Variants in NARF observed in about 807,000 individuals in gnomAD.
The protein encoded by NARF is nuclear prelamin A recognition factor.
Under a neutral mutation model 48.0 loss-of-function variants are expected in NARF, and 41 were observed. The observed-to-expected ratio is 0.85, with a 90% CI of 0.66 to 1.11. The LOEUF (loss-of-function observed/expected upper bound fraction) is 1.11. Ranked by LOEUF, NARF falls within the 50% of genes least tolerant of loss-of-function variation. NARF has a pLI of 0.00. For synonymous variants in NARF, 215 were observed against 225.5 expected, an observed-to-expected ratio of 0.95 and a Z score of 0.42; for missense variants, 613 against 590.2, an observed-to-expected ratio of 1.04 and a Z score of -0.40.
In NARF at chr17:82,464,400, G is replaced by T; in HGVS notation, c.222G>T (p.Lys74Asn). The T allele has an allele frequency of 6.2e-7, 1 of 1,613,924 alleles. No homozygotes were observed. The highest frequency in any genetic ancestry group is 8.5e-7 in the Non-Finnish European group (1 of 1,179,884). The change falls in exon 3 of 11, where the codon AAG becomes AAT. Residue 74 changes from lysine to asparagine, a missense_variant. Coordinates refer to ENST00000309794, the MANE Select transcript of NARF (RefSeq NM_012336.4). ...TCCAACTTTCCCAGCAAAATGCCAAGGACTTCTTCCGCGTTCTGAACCTTA... is the reference window on the plus strand; with the variant it reads ...TCCAACTTTCCCAGCAAAATGCCAATGACTTCTTCCGCGTTCTGAACCTTA... ...EGVQLSQQNA[K>N]DFFRVLNLNK...
At chr17:82,459,131 G>A in intron 1 of NARF, 13 of 1,164,574 alleles carry the variant, frequency 1.1e-5, no homozygotes, top group Non-Finnish European at 1.4e-5. Flanking sequence ...CGAGTAAACA[G>A]CGGTCGTGGC....
At chr17:82,471,354 C>T (rs1340089229) in intron 4 of NARF, among the ~76,000 whole-genome samples, 1 of 149,552 alleles carries the variant, frequency 6.7e-6, no homozygotes, top group Non-Finnish European at 1.5e-5. Flanking sequence ...ACTTGGGAGG[C>T]CGAAGCAGGA....
chr17:82,485,661 C>G lies in NARF; in HGVS notation c.1129+7C>G. On this transcript the variant is annotated splice_region_variant and intron_variant, in intron 10 of 10. Coordinates refer to ENST00000309794, the MANE Select transcript of NARF (RefSeq NM_012336.4). Reference sequence around the variant, plus strand: ...GTCCTCGCCTGTGCTGGAGGTGAGGCGCCAAGAGCAGCACCTGGCTCTGTC... The same window carrying G: ...GTCCTCGCCTGTGCTGGAGGTGAGGGGCCAAGAGCAGCACCTGGCTCTGTC... The G allele has an allele frequency of 6.2e-7, 1 of 1,613,654 alleles. No homozygotes were observed.
chr17:82,478,953 G>A, intron 6 of NARF, 35 bp downstream of exon 6: 1 of 1,592,466 alleles, frequency 6.3e-7, no homozygotes, highest in Non-Finnish European at 8.6e-7. Context: ...GGAAGGGCAG[G>A]TGAGGGAGGA....
intron 10 of NARF, among the ~76,000 whole-genome samples, chr17:82,486,733 A>G (rs997337755): frequency 7.9e-5 from 12 of 152,188 alleles, no homozygotes; most frequent in African/African-American, 2.9e-4. Flanking sequence ...GTGCAAGCCC[A>G]GCCCCCTGGG....
intron 4 of NARF, among the ~76,000 whole-genome samples, chr17:82,471,618 C>G (rs1229725990): frequency 6.8e-6 from 1 of 147,044 alleles, no homozygotes; most frequent in Non-Finnish European, 1.5e-5. Context: ...CGGTGAAACC[C>G]CATCTCTACT....
intron 4 of NARF, among the ~76,000 whole-genome samples, chr17:82,471,915 G>A (rs1005621600): frequency 9.9e-5 from 15 of 152,104 alleles, no homozygotes; most frequent in Non-Finnish European, 2.1e-4. Context: ...GGAATGCTGT[G>A]GGTACGTTGT....
intron 3 of NARF, 131 bp downstream of exon 3, chr17:82,464,561 A>C (rs1019639109): frequency 8.4e-7 from 1 of 1,184,022 alleles, no homozygotes; most frequent in Admixed American, 2.9e-5. Context: ...TGGTGTTGCT[A>C]ACATCCTGCT....
rs768132686 is a variant in NARF, at chr17:82,468,773, A to C, written c.262A>C (p.Thr88Pro). The C allele has an allele frequency of 1.2e-6, 2 of 1,613,476 alleles. No homozygotes were observed. The highest frequency in any genetic ancestry group is 4.5e-5 in the East Asian group (2 of 44,884). The change falls in exon 4 of 11, where the codon ACC (threonine) becomes CCC (proline). Residue 88 changes from threonine (T) to proline (P), a missense_variant. Transcript: ENST00000309794. Reference protein sequence around the residue: ...RVLNLNKKCDTSKHKVLVVSV... With the variant: ...RVLNLNKKCDPSKHKVLVVSV... ...CTATTTCTCCTTCTAGAAATGTGAT[A>C]CCTCAAAGCACAAAGTGCTGGTAGT...
At chr17:82,467,381 G>A (rs553821669) in intron 3 of NARF, among the ~76,000 whole-genome samples, 6 of 152,272 alleles carry the variant, frequency 3.9e-5, no homozygotes, top group South Asian at 2.1e-4. Context: ...CTTCTATTGC[G>A]CTGCCAACAT....
intron 8 of NARF, chr17:82,484,046 A>G (rs938927161): frequency 3.1e-5 from 14 of 447,606 alleles, no homozygotes; most frequent in Non-Finnish European, 5.7e-5. Flanking sequence ...GACAAAATGC[A>G]CAAACAGCTT....
chr17:82,488,022 G>T lies in NARF; in HGVS notation c.1236G>T (p.Pro412=), dbSNP rs200822412. Residue 412 remains proline, a synonymous_variant, in exon 11 of 11, where the codon CCG becomes CCT. Transcript: ENST00000309794. ...ACGCTGACATCCCTGTGCGGCGTCC[G>T]GAGTCCAGTGCACACGTGCAGGAGC... ...GIYADIPVRR[P]ESSAHVQELY... 7 of 1,614,070 alleles carry T rather than the reference G, an allele frequency of 4.3e-6. No homozygotes were observed. In the African/African-American group the frequency reaches 9.3e-5, roughly 22 times the overall value.
At chr17:82,462,291 G>T (rs570494636) in intron 2 of NARF, among the ~76,000 whole-genome samples, 1 of 152,154 alleles carries the variant, frequency 6.6e-6, no homozygotes, top group Non-Finnish European at 1.5e-5. Context: ...GGCAAGAGGA[G>T]GGTGTGGACA....
chr17:82,464,230 A>C (rs2043506651), intron 2 of NARF, 57 bp from the exon 3 acceptor site: 1 of 1,577,990 alleles, frequency 6.3e-7, no homozygotes, highest in Non-Finnish European at 8.6e-7. Flanking sequence ...CCCTCTCTAA[A>C]GAAGCACATT....
At chr17:82,458,708 G>A (rs2043346191), upstream of NARF, 6 of 1,403,418 alleles carry the variant, frequency 4.3e-6, 1 homozygote, top group South Asian at 6.2e-5. Context: ...GTCGGGGGAG[G>A]ACAACAAAGG....
intron 9 of NARF, 65 bp downstream of exon 9, chr17:82,485,015 T>A: frequency 6.6e-7 from 1 of 1,510,992 alleles, no homozygotes; most frequent in South Asian, 1.3e-5. Flanking sequence ...TGTGCCTGTA[T>A]GGATCTGTGC....
chr17:82,464,532 G>A, intron 3 of NARF, 102 bp downstream of exon 3: 1 of 1,383,798 alleles, frequency 7.2e-7, no homozygotes, highest in Non-Finnish European at 9.7e-7. Flanking sequence ...GACATCGGAT[G>A]CACATCTCAG....
At chr17:82,462,667 G>C (rs1365543930) in intron 2 of NARF, 1 of 152,486 alleles carries the variant, frequency 6.6e-6, no homozygotes, top group African/African-American at 2.4e-5. Context: ...CCTGGGCTGA[G>C]TGAGGCCAGC....
upstream of NARF, chr17:82,458,361 G>C: frequency 6.3e-6 from 1 of 157,830 alleles, no homozygotes; most frequent in Non-Finnish European, 1.4e-5. Flanking sequence ...CGTGACCACC[G>C]GACCGAGCAC....
Sources: gnomAD v4.1 joint callset for allele counts (sites outside exome capture counted in the v4.1 genomes callset) on GRCh38, gnomAD v4.1.1 for gene constraint, MANE v1.5 for transcripts, NCBI Gene and HGNC (gene_info 2026-07-23, HGNC 2026-07-21) for gene names.